Variants in KLF12 observed in about 807,000 individuals in gnomAD.
The protein encoded by KLF12 is Krueppel-like factor 12.
KLF12 carries 9 observed loss-of-function variants against 37.8 expected under a neutral mutation model. The observed-to-expected ratio is 0.24, with a 90% CI of 0.14 to 0.42. The LOEUF is 0.42. KLF12 is among the 10% of genes least tolerant of loss of function. The pLI is 1.00. For missense variants in KLF12, 411 were observed against 516.0 expected, an observed-to-expected ratio of 0.80 and a Z score of 1.97; for synonymous variants, 208 against 202.1, an observed-to-expected ratio of 1.03 and a Z score of -0.25.
At chr13:73,984,258 C>T (rs1024858321) in intron 2 of KLF12, among the ~76,000 whole-genome samples, 9 of 152,150 alleles carry the variant, frequency 5.9e-5, no homozygotes, top group Admixed American at 2.0e-4. Context: ...GCCACCCTGG[C>T]GGGACTCGGG....
chr13:74,205,147 C>T, the KLF12 span, among the ~76,000 whole-genome samples: 10 of 152,174 alleles, frequency 6.6e-5, no homozygotes, highest in East Asian at 7.7e-4. Flanking sequence ...TGGTCATCTA[C>T]GTTAGCTAGA....
chr13:73,785,064 T>A (rs1001740259), intron 5 of KLF12, among the ~76,000 whole-genome samples: 4 of 152,134 alleles, frequency 2.6e-5, no homozygotes, highest in Admixed American at 2.6e-4. Context: ...AAATTAGTCT[T>A]TTTTCCTCCC....
At chr13:74,148,403 C>CTTTTT in the KLF12 span, among the ~76,000 whole-genome samples, 583 of 73,500 alleles carry the variant, frequency 7.9e-3, 3 homozygotes, top group Middle Eastern at 0.016. Context: ...CAAAACTGCT[C>CTTTTT]TTTTTTTTTT....
At chr13:73,991,719 C>A (rs1370645391) in intron 2 of KLF12, among the ~76,000 whole-genome samples, 1 of 152,210 alleles carries the variant, frequency 6.6e-6, no homozygotes, top group African/African-American at 2.4e-5. Flanking sequence ...AACTACCCTA[C>A]ATACACTTAC....
intron 1 of KLF12, among the ~76,000 whole-genome samples, chr13:74,122,550 T>C (rs956951758): frequency 6.6e-6 from 1 of 152,130 alleles, no homozygotes; most frequent in Non-Finnish European, 1.5e-5. Context: ...CCTGGGAATC[T>C]ATTCTTTAGG....
chr13:74,132,869 C>A (rs1357408325), intron 1 of KLF12, among the ~76,000 whole-genome samples: 1 of 152,198 alleles, frequency 6.6e-6, no homozygotes, highest in African/African-American at 2.4e-5. Flanking sequence ...CGCTACCCAA[C>A]AAAAGCAGGA....
At chr13:74,143,981 G>C in the KLF12 span, among the ~76,000 whole-genome samples, 2 of 152,188 alleles carry the variant, frequency 1.3e-5, no homozygotes, top group Admixed American at 1.3e-4. Flanking sequence ...CCCATTGTGA[G>C]TTGAGAAGTA....
At chr13:74,020,673 G>A (rs531158901) in intron 1 of KLF12, among the ~76,000 whole-genome samples, 2 of 152,128 alleles carry the variant, frequency 1.3e-5, no homozygotes, top group East Asian at 1.9e-4. Flanking sequence ...GGTGGATCAC[G>A]AGGTCAGGAG....
intron 1 of KLF12, among the ~76,000 whole-genome samples, chr13:74,037,134 C>T (rs776545018): frequency 7.0e-6 from 1 of 142,326 alleles, no homozygotes; most frequent in African/African-American, 2.6e-5. Context: ...ACCTGGGAGG[C>T]GGAGGTTGCA....
intron 6 of KLF12, among the ~76,000 whole-genome samples, chr13:73,740,601 G>C (rs1328661314): frequency 6.6e-6 from 1 of 152,050 alleles, no homozygotes; most frequent in Non-Finnish European, 1.5e-5. Context: ...TTGGCCTCTC[G>C]AGGTGCTGGG....
At chr13:74,030,652 C>A (rs1490648493) in intron 1 of KLF12, among the ~76,000 whole-genome samples, 1 of 152,072 alleles carries the variant, frequency 6.6e-6, no homozygotes, top group African/African-American at 2.4e-5. Flanking sequence ...ATTAGTATCA[C>A]TTCTTAGAAG....
chr13:73,837,403 T>C (rs1317531976), intron 4 of KLF12, among the ~76,000 whole-genome samples: 2 of 152,158 alleles, frequency 1.3e-5, no homozygotes, highest in Admixed American at 1.3e-4. Flanking sequence ...AAGAAGCCAA[T>C]TTTTTGATGG....
At chr13:73,901,086 A>C (rs1358979871) in intron 3 of KLF12, among the ~76,000 whole-genome samples, 1 of 152,174 alleles carries the variant, frequency 6.6e-6, no homozygotes. Context: ...TTTAACATAC[A>C]TGGGTCACTC....
At chr13:74,189,424 C>T in the KLF12 span, among the ~76,000 whole-genome samples, 6 of 152,302 alleles carry the variant, frequency 3.9e-5, no homozygotes, top group African/African-American at 7.2e-5. Context: ...CTTCCCTTTC[C>T]GTAGATGGCA....
At chr13:73,962,682 A>T (rs1566484210) in intron 2 of KLF12, among the ~76,000 whole-genome samples, 1 of 152,224 alleles carries the variant, frequency 6.6e-6, no homozygotes, top group African/African-American at 2.4e-5. Context: ...TCGCAAGTTT[A>T]ATCACAAATT....
chr13:74,079,678 A>C (rs1239137345), intron 1 of KLF12, among the ~76,000 whole-genome samples: 1 of 152,224 alleles, frequency 6.6e-6, no homozygotes, highest in Non-Finnish European at 1.5e-5. Context: ...GGCTTTTAAA[A>C]GACTTCCAGA....
chr13:73,816,510 G>C (rs1375356809), intron 4 of KLF12, among the ~76,000 whole-genome samples: 1 of 152,214 alleles, frequency 6.6e-6, no homozygotes, highest in Non-Finnish European at 1.5e-5. Context: ...TTCATTCCAT[G>C]TGTCAAAATC....
At chr13:74,181,897 G>A in the KLF12 span, among the ~76,000 whole-genome samples, 2,920 of 152,108 alleles carry the variant, frequency 0.019, 87 homozygotes, top group African/African-American at 0.064. Context: ...TTTGATAGTG[G>A]CATAGAATAT....
the KLF12 span, among the ~76,000 whole-genome samples, chr13:74,145,080 G>GA: frequency 2.0e-5 from 3 of 151,826 alleles, no homozygotes; most frequent in Non-Finnish European, 2.9e-5. Flanking sequence ...CTATTGCAAT[G>GA]AAAAAAATAA....
Sources: allele counts gnomAD v4.1 joint callset (sites outside exome capture counted in the v4.1 genomes callset), GRCh38; gene constraint gnomAD v4.1.1; transcripts MANE v1.5; gene names NCBI Gene and HGNC (gene_info 2026-07-23, HGNC 2026-07-21).